Variants in ZNF676 observed in about 807,000 individuals in gnomAD.
ZNF676 encodes the protein zinc finger protein 676.
A neutral mutation model predicts 6.0 loss-of-function variants in ZNF676; 4 were observed. The ratio of observed to expected loss-of-function variants is 0.67; its 90% CI spans 0.33 to 1.53. The LOEUF (loss-of-function observed/expected upper bound fraction) is 1.53. Ranked by LOEUF, ZNF676 falls within the 40% of genes most tolerant of loss-of-function variation. The pLI is 0.06. For missense variants in ZNF676, 644 were observed against 679.7 expected (o/e 0.95, Z 0.58); for synonymous variants, 198 against 223.1 (o/e 0.89, Z 1.00).
At chr19:22,193,934 T>C (rs2144763717) in intron 1 of ZNF676, among the ~76,000 whole-genome samples, 1 of 152,246 alleles carries the variant, frequency 6.6e-6, no homozygotes, top group Non-Finnish European at 1.5e-5. Flanking sequence ...CACTCTTTGA[T>C]ATAAAACATT....
chr19:22,194,526 G>C (rs1023495161), intron 1 of ZNF676, among the ~76,000 whole-genome samples: 1 of 152,100 alleles, frequency 6.6e-6, no homozygotes, highest in African/African-American at 2.4e-5. Context: ...TGTTACAACT[G>C]TGGAAAAACT....
chr19:22,221,283 C>T, the ZNF676 span, among the ~76,000 whole-genome samples: 1 of 152,032 alleles, frequency 6.6e-6, no homozygotes, highest in Admixed American at 6.6e-5. Flanking sequence ...CACTATTATT[C>T]AATTTAAATA....
At chr19:22,240,965 T>C in the ZNF676 span, among the ~76,000 whole-genome samples, 2 of 151,912 alleles carry the variant, frequency 1.3e-5, no homozygotes, top group Admixed American at 6.6e-5. Context: ...TAACATCACT[T>C]GAGTGTTGGA....
chr19:22,232,675 G>A, the ZNF676 span, among the ~76,000 whole-genome samples: 10 of 151,784 alleles, frequency 6.6e-5, no homozygotes, highest in Non-Finnish European at 1.0e-4. Flanking sequence ...GGCCAAAATA[G>A]AAGTCTTAAC....
chr19:22,256,324 G>A, the ZNF676 span, among the ~76,000 whole-genome samples: 73 of 152,176 alleles, frequency 4.8e-4, no homozygotes, highest in African/African-American at 1.6e-3. Flanking sequence ...AATATTCCCC[G>A]CTAGAAGGGA....
At chr19:22,199,106 T>C (rs1038824447), upstream of ZNF676, among the ~76,000 whole-genome samples, 1 of 152,096 alleles carries the variant, frequency 6.6e-6, no homozygotes, top group African/African-American at 2.4e-5. Context: ...TGATAACCCC[T>C]TAACTAAGCA....
In ZNF676 at chr19:22,180,233, T is replaced by C; in HGVS notation, c.1484A>G (p.His495Arg). ...GFSTFSILTK[H>R]KIIHTGEKRY... ...TTTCTCTCCAGTATGAATTATCTTA[T>C]GTTTAGTAAGGATTGAGAACGTACT... The change falls in exon 3 of 3, where the codon CAT becomes CGT. Residue 495 changes from histidine (H) to arginine (R), a missense_variant. Coordinates refer to ENST00000397121, the MANE Select transcript of ZNF676 (RefSeq NM_001001411.3). 1 of 1,613,894 alleles carries C rather than the reference T, an allele frequency of 6.2e-7. No homozygotes were observed. The highest frequency in any genetic ancestry group is 8.5e-7 in the Non-Finnish European group (1 of 1,179,920).
At chr19:22,188,949 A>G (rs1297833453) in intron 2 of ZNF676, among the ~76,000 whole-genome samples, 1 of 152,206 alleles carries the variant, frequency 6.6e-6, no homozygotes, top group African/African-American at 2.4e-5. Context: ...TACAGATTCA[A>G]TGCCATTCCC....
chr19:22,252,447 A>G, the ZNF676 span, among the ~76,000 whole-genome samples: 1 of 152,008 alleles, frequency 6.6e-6, no homozygotes, highest in African/African-American at 2.4e-5. Context: ...AAAAAAAAAA[A>G]AGAAGAGTCA....
chr19:22,185,759 G>A (rs188535645), intron 2 of ZNF676, among the ~76,000 whole-genome samples: 2 of 152,216 alleles, frequency 1.3e-5, no homozygotes, highest in Admixed American at 6.5e-5. Context: ...TAGCTGAATC[G>A]ATAATGCAGA....
At chr19:22,194,929 CA>C (rs2023951633) in intron 1 of ZNF676, among the ~76,000 whole-genome samples, 2 of 152,254 alleles carry the variant, frequency 1.3e-5, no homozygotes, top group East Asian at 3.9e-4. Context: ...CCAAAGTACC[CA>C]CTGTCATTTG....
At chr19:22,245,260 G>A in the ZNF676 span, 1 of 152,080 alleles carries the variant, frequency 6.6e-6, no homozygotes, top group African/African-American at 2.4e-5. Context: ...TTAAATGATG[G>A]GCCCAGAGAT....
At chr19:22,184,830 A>G (rs2023812210) in intron 2 of ZNF676, among the ~76,000 whole-genome samples, 2 of 58,274 alleles carry the variant, frequency 3.4e-5, no homozygotes, top group Admixed American at 1.8e-4. Context: ...ATCTTTGAAA[A>G]AAAAAAAAAA....
At chr19:22,182,415 T>C (rs1327630925) in intron 2 of ZNF676, among the ~76,000 whole-genome samples, 1 of 151,686 alleles carries the variant, frequency 6.6e-6, no homozygotes, top group Non-Finnish European at 1.5e-5. Context: ...AAAGAAACCA[T>C]TGAAAATGTA....
At chr19:22,183,436 C>T (rs2023789766) in intron 2 of ZNF676, among the ~76,000 whole-genome samples, 1 of 152,138 alleles carries the variant, frequency 6.6e-6, no homozygotes, top group African/African-American at 2.4e-5. Context: ...CACCCAGGTT[C>T]AAGCAGTTCT....
At chr19:22,194,735 C>A (rs2023949356) in intron 1 of ZNF676, among the ~76,000 whole-genome samples, 1 of 152,040 alleles carries the variant, frequency 6.6e-6, no homozygotes, top group South Asian at 2.1e-4. Flanking sequence ...CGCTAGGAAA[C>A]AAGAAGGGGC....
At chr19:22,190,750 A>G (rs947358206) in intron 2 of ZNF676, among the ~76,000 whole-genome samples, 9 of 149,334 alleles carry the variant, frequency 6.0e-5, no homozygotes, top group African/African-American at 2.2e-4. Flanking sequence ...GGCAATGCAA[A>G]TTTGTTACCA....
chr19:22,201,512 T>C (rs889664681), upstream of ZNF676, among the ~76,000 whole-genome samples: 3 of 152,096 alleles, frequency 2.0e-5, no homozygotes, highest in African/African-American at 7.2e-5. Flanking sequence ...CATTTTTGGG[T>C]GTTACAGCAA....
rs758820707 is a variant in ZNF676, at chr19:22,181,580, C to T, written c.137G>A (p.Cys46Tyr). The T allele has an allele frequency of 1.3e-5, 20 of 1,548,454 alleles. 1 individual carries two copies. In the African/African-American group the frequency reaches 2.1e-4, roughly 16 times the overall value. The change falls in exon 3 of 3, where the codon TGT becomes TAT. Residue 46 changes from cysteine to tyrosine, a missense_variant. Cys to Tyr is a radical substitution (Grantham distance 194). Transcript: ENST00000397121. ...CCAAAACTCTTGGGAAAAATGAGAA[C>T]ATATAACTGAAAAGAAATAAAAATA... ...HEMVEEPPVI[C>Y]SHFSQEFWPE...
Sources: gnomAD v4.1 joint callset for allele counts (sites outside exome capture counted in the v4.1 genomes callset) on GRCh38, gnomAD v4.1.1 for gene constraint, MANE v1.5 for transcripts, NCBI Gene and HGNC (gene_info 2026-07-23, HGNC 2026-07-21) for gene names.